Variants in TNPO3 observed in about 807,000 individuals in gnomAD.
The protein encoded by TNPO3 is transportin 3.
In TNPO3, 65 loss-of-function variants were observed where a neutral mutation model predicts 122.8. That is an observed-to-expected ratio of 0.53 (90% confidence interval 0.43 to 0.65). TNPO3 has a LOEUF of 0.65. TNPO3 is among the 30% of genes least tolerant of loss of function. TNPO3 has a pLI of 0.00. For synonymous variants in TNPO3, 372 were observed against 411.2 expected, an observed-to-expected ratio of 0.90 and a Z score of 1.15; for missense variants, 850 against 1,136.7, an observed-to-expected ratio of 0.75 and a Z score of 3.63.
At chr7:129,005,623 C>A (rs527514327) in intron 4 of TNPO3, among the ~76,000 whole-genome samples, 2 of 151,960 alleles carry the variant, frequency 1.3e-5, no homozygotes, top group East Asian at 1.9e-4. Context: ...TCCTGCCGGC[C>A]GTGTGAACAT....
At chr7:128,966,612 C>T (rs915550691) in intron 21 of TNPO3, among the ~76,000 whole-genome samples, 1 of 152,148 alleles carries the variant, frequency 6.6e-6, no homozygotes, top group Non-Finnish European at 1.5e-5. Context: ...ATCTAAATGT[C>T]TACTAATAGA....
chr7:128,989,943 G>C lies in TNPO3; in HGVS notation c.1498+18C>G. The stretch of plus-strand genomic sequence containing the variant: ...AAATGACAAGTTAGAAGTGGCAGAG[G>C]AGAGAGATTACACATACCAAGGAAC... On this transcript the variant is annotated intron_variant, in intron 11 of 22. Transcript: ENST00000265388. The C allele has an allele frequency of 6.2e-7, 1 of 1,605,158 alleles. No individual in the cohort carries two copies. Among genetic ancestry groups the C allele is most frequent in the Non-Finnish European group, 8.5e-7 (1 of 1,172,278 alleles).
chr7:129,013,331 C>G (rs750299963), intron 4 of TNPO3, among the ~76,000 whole-genome samples: 2 of 151,298 alleles, frequency 1.3e-5, no homozygotes, highest in Non-Finnish European at 2.9e-5. Flanking sequence ...AAGAAACAAT[C>G]AACCAAGTAA....
chr7:128,997,478 T>C lies in TNPO3; in HGVS notation c.1069A>G (p.Asn357Asp). ...AAGATGCCATGAATAACTTCATCGT[T>C]AGTTTTGTACAAATGTTCCCCCAGT... ...YRLGEHLYKT[N>D]DEVIHGIFKA... Residue 357 changes from asparagine to aspartate, a missense_variant, in exon 8 of 23, where the codon AAC (asparagine) becomes GAC (aspartate). Physicochemically the swap from Asn to Asp is conservative, Grantham distance 23. Transcript: ENST00000265388. 6.2e-7 allele frequency: 1 copy of C among 1,614,134 alleles called. No individual in the cohort carries two copies. Among genetic ancestry groups the C allele is most frequent in the Non-Finnish European group, 8.5e-7 (1 of 1,179,962 alleles).
At chr7:128,997,778 C>T (rs549145197) in intron 7 of TNPO3, among the ~76,000 whole-genome samples, 3 of 152,246 alleles carry the variant, frequency 2.0e-5, no homozygotes, top group Non-Finnish European at 4.4e-5. Context: ...TGAGGTAATG[C>T]CTCCAAAAGT....
chr7:129,029,240 C>T (rs1336246931), intron 1 of TNPO3: 1 of 158,462 alleles, frequency 6.3e-6, no homozygotes, highest in African/African-American at 2.4e-5. Flanking sequence ...TTCTTGTAAA[C>T]AAATGTCTCA....
Position 128,982,259 on chromosome 7 carries a change from T to C in TNPO3, c.1848A>G (p.Ala616=), listed in dbSNP as rs1286517709. The change falls in exon 14 of 23, where the codon GCA becomes GCG. Residue 616 remains alanine, a synonymous_variant. Coordinates refer to ENST00000265388, the MANE Select transcript of TNPO3 (RefSeq NM_012470.4). ...SDPTVFLDRL[A]VIFRHTNPIV... is the part of the protein sequence containing the mutation. ...GTCTCCTTTCTTACCTAAATATCAC[T>C]GCAAGGCGATCTAAGAACACTGTGG... 1 of 1,612,956 alleles carries C rather than the reference T, an allele frequency of 6.2e-7. No homozygotes were observed. The highest frequency in any genetic ancestry group is 1.3e-5 in the African/African-American group (1 of 74,994).
chr7:128,997,861 G>A lies in TNPO3; in HGVS notation c.1012-326C>T, dbSNP rs144370208. Among the ~76,000 whole-genome samples the A allele has an allele frequency of 7.1e-3, 1,086 of 152,054 alleles. 19 individuals carry two copies. Among genetic ancestry groups the A allele is most frequent in the African/African-American group, 0.025 (1,022 of 41,474 alleles). On this transcript the variant is annotated intron_variant, in intron 7 of 22. Coordinates refer to ENST00000265388, the MANE Select transcript of TNPO3 (RefSeq NM_012470.4). ...TTATTTTTATTTATTTTTTAGAGAC[G>A]GAGTTTCATTCTGTTGCCCCAGCTA...
chr7:129,033,312 T>C (rs561895717), intron 1 of TNPO3, among the ~76,000 whole-genome samples: 20 of 152,124 alleles, frequency 1.3e-4, no homozygotes, highest in Non-Finnish European at 2.6e-4. Flanking sequence ...GATATACAAA[T>C]GGTTAACAGG....
intron 16 of TNPO3, among the ~76,000 whole-genome samples, chr7:128,978,340 T>C (rs1388524648): frequency 6.6e-6 from 1 of 152,174 alleles, no homozygotes; most frequent in African/African-American, 2.4e-5. Flanking sequence ...GTGGCCAAGA[T>C]TGAAGAAAAT....
Position 128,989,954 on chromosome 7 carries a change from C to T in TNPO3, c.1498+7G>A, listed in dbSNP as rs931406191. ...TAGAAGTGGCAGAGGAGAGAGATTACACATACCAAGGAACTGAGGATTTCG... is the reference window on the plus strand; with the variant it reads ...TAGAAGTGGCAGAGGAGAGAGATTATACATACCAAGGAACTGAGGATTTCG... On this transcript the variant is annotated splice_region_variant and intron_variant, in intron 11 of 22. Coordinates refer to ENST00000265388, the MANE Select transcript of TNPO3 (RefSeq NM_012470.4). 2 of 1,612,678 alleles carry T rather than the reference C, an allele frequency of 1.2e-6. No homozygotes were observed. Among genetic ancestry groups the T allele is most frequent in the Non-Finnish European group, 1.7e-6 (2 of 1,178,706 alleles).
intron 1 of TNPO3, among the ~76,000 whole-genome samples, chr7:129,048,911 T>C (rs1159969750): frequency 6.6e-6 from 1 of 152,248 alleles, no homozygotes; most frequent in African/African-American, 2.4e-5. Flanking sequence ...GGTATTGGAC[T>C]ACATAAACAA....
At chr7:128,988,426 AAG>A (rs1309731622) in intron 11 of TNPO3, among the ~76,000 whole-genome samples, 2 of 152,188 alleles carry the variant, frequency 1.3e-5, no homozygotes, top group Non-Finnish European at 2.9e-5. Flanking sequence ...TAGGAATCAA[AAG>A]ACCTAGAATC....
At chr7:128,964,502 A>AT (rs1797759102) in intron 21 of TNPO3, among the ~76,000 whole-genome samples, 1 of 151,908 alleles carries the variant, frequency 6.6e-6, no homozygotes, top group African/African-American at 2.4e-5. Flanking sequence ...CGCCCGGCTA[A>AT]TTTTTTGTGT....
chr7:129,035,629 G>C (rs1045371031), intron 1 of TNPO3, among the ~76,000 whole-genome samples: 4 of 151,854 alleles, frequency 2.6e-5, no homozygotes, highest in Non-Finnish European at 5.9e-5. Context: ...GAAAAAAAAA[G>C]CAAAACCAAG....
At chr7:129,006,476 A>C (rs1321116624) in intron 4 of TNPO3, among the ~76,000 whole-genome samples, 2 of 152,228 alleles carry the variant, frequency 1.3e-5, no homozygotes, top group Non-Finnish European at 2.9e-5. Context: ...AATTAGACTA[A>C]AACTCAATGT....
At chr7:129,046,091 C>T (rs531660080) in intron 1 of TNPO3, among the ~76,000 whole-genome samples, 14 of 144,526 alleles carry the variant, frequency 9.7e-5, no homozygotes, top group South Asian at 9.2e-4. Flanking sequence ...CCCAGTTACT[C>T]GGGAGCCTGA....
At chr7:128,988,181 G>A (rs1351713939) in intron 11 of TNPO3, among the ~76,000 whole-genome samples, 1 of 151,770 alleles carries the variant, frequency 6.6e-6, no homozygotes, top group Admixed American at 6.6e-5. Context: ...TTCGCCTGTT[G>A]GCCAGGTTGG....
chr7:129,000,522 A>G lies in TNPO3; in HGVS notation c.918T>C (p.Phe306=), dbSNP rs1431524526. The change falls in exon 7 of 23, where the codon TTT becomes TTC. Residue 306 remains phenylalanine, a synonymous_variant. Coordinates refer to ENST00000265388, the MANE Select transcript of TNPO3 (RefSeq NM_012470.4). ...CRIFTELCET[F]LEKIVCTPGQ... The stretch of plus-strand genomic sequence containing the variant: ...CTGGAGTACAAACAATTTTTTCAAG[A>G]AAAGTTTCACATAGTTCAGTGAAAA... 6.2e-7 allele frequency: 1 copy of G among 1,614,162 alleles called. No homozygotes were observed.
Sources: allele counts gnomAD v4.1 joint callset (sites outside exome capture counted in the v4.1 genomes callset), GRCh38; gene constraint gnomAD v4.1.1; transcripts MANE v1.5; gene names NCBI Gene and HGNC (gene_info 2026-07-23, HGNC 2026-07-21).